The following PTPRD variants were observed in gnomAD, a reference collection of about 807,000 sequenced individuals.
The protein encoded by PTPRD is receptor-type tyrosine-protein phosphatase delta.
A neutral mutation model predicts 214.5 loss-of-function variants in PTPRD; 34 were observed. That is an observed-to-expected ratio of 0.16 (90% CI 0.12 to 0.21). The LOEUF is 0.21. Among genes scored for constraint, PTPRD ranks in the 10% least tolerant of loss-of-function variants. The pLI is 1.00. For missense variants in PTPRD, 2,545 were observed against 2,398.7 expected (o/e 1.06, Z -1.27); for synonymous variants, 1,128 against 845.7 (o/e 1.33, Z -5.79).
chr9:9,699,959 A>C (rs1422187378), intron 7 of PTPRD, among the ~76,000 whole-genome samples: 2 of 152,164 alleles, frequency 1.3e-5, no homozygotes, highest in African/African-American at 2.4e-5. Flanking sequence ...ATTCCTCAGA[A>C]TTATTTATGA....
intron 10 of PTPRD, among the ~76,000 whole-genome samples, chr9:9,092,818 T>A (rs547689271): frequency 2.0e-5 from 3 of 152,080 alleles, no homozygotes; most frequent in Non-Finnish European, 4.4e-5. Context: ...TAAAAAATTA[T>A]GATCATCAAC....
chr9:9,570,875 C>A (rs2086168758), intron 8 of PTPRD, among the ~76,000 whole-genome samples: 1 of 151,452 alleles, frequency 6.6e-6, no homozygotes, highest in Non-Finnish European at 1.5e-5. Flanking sequence ...AAAATTCCAT[C>A]TTTAGTTTCA....
intron 3 of PTPRD, among the ~76,000 whole-genome samples, chr9:10,259,222 CACCGTGTTAGTCAGGATGG>C (rs2093521988): frequency 6.6e-6 from 1 of 152,002 alleles, no homozygotes; most frequent in Non-Finnish European, 1.5e-5. Flanking sequence ...GAAGGGGTTT[CACCGTGTTAGTCAGGATGG>C]TCTCTATCTC....
At chr9:9,172,804 G>A (rs535453141) in intron 10 of PTPRD, among the ~76,000 whole-genome samples, 3 of 152,190 alleles carry the variant, frequency 2.0e-5, no homozygotes, top group African/African-American at 7.2e-5. Flanking sequence ...ATCTTATCCA[G>A]TACTTGCCTG....
intron 12 of PTPRD, among the ~76,000 whole-genome samples, chr9:8,723,553 C>T (rs1244188894): frequency 3.9e-5 from 6 of 152,170 alleles, no homozygotes; most frequent in African/African-American, 1.4e-4. Flanking sequence ...TGGAGGCACA[C>T]TGTAGTCATG....
At chr9:9,202,927 A>G (rs1170726716) in intron 9 of PTPRD, among the ~76,000 whole-genome samples, 1 of 152,046 alleles carries the variant, frequency 6.6e-6, no homozygotes, top group East Asian at 1.9e-4. Flanking sequence ...TTCTCTTCCA[A>G]TGTCTGAATA....
intron 27 of PTPRD, among the ~76,000 whole-genome samples, chr9:8,487,667 A>G (rs974660830): frequency 7.2e-5 from 11 of 152,060 alleles, no homozygotes; most frequent in Non-Finnish European, 7.4e-5. Flanking sequence ...AAAAATAGCC[A>G]GGTGTGGTGG....
intron 10 of PTPRD, among the ~76,000 whole-genome samples, chr9:9,148,107 A>G (rs2099871718): frequency 6.6e-6 from 1 of 152,236 alleles, no homozygotes; most frequent in African/African-American, 2.4e-5. Context: ...CAAGAAAAAC[A>G]TACAAAAATA....
Position 10,321,140 on chromosome 9 carries a change from A to C in PTPRD, c.-545+19823T>G, listed in dbSNP as rs2096545221. Among the ~76,000 whole-genome samples the C allele has an allele frequency of 3.3e-5, 5 of 152,196 alleles. No homozygotes were observed. In the South Asian group the frequency reaches 1.0e-3, roughly 32 times the overall value. ...TAGTAATGCGACATACTTTACATTA[A>C]TAATGATTTCAGCAACACTAATAAT... On this transcript the variant is annotated intron_variant, in intron 3 of 45. Transcript: ENST00000381196.
At chr9:9,967,246 G>A (rs892788255) in intron 4 of PTPRD, among the ~76,000 whole-genome samples, 13 of 152,112 alleles carry the variant, frequency 8.5e-5, no homozygotes, top group African/African-American at 2.9e-4. Context: ...TCAGAGTTGT[G>A]AGAATTACAT....
intron 8 of PTPRD, among the ~76,000 whole-genome samples, chr9:9,515,111 C>T (rs973298967): frequency 6.6e-6 from 1 of 152,046 alleles, no homozygotes; most frequent in South Asian, 2.1e-4. Flanking sequence ...CCTTGATTTT[C>T]CAGTAAGTCT....
chr9:9,811,393 G>A (rs1346968808), intron 5 of PTPRD, among the ~76,000 whole-genome samples: 3 of 152,102 alleles, frequency 2.0e-5, no homozygotes, highest in Non-Finnish European at 4.4e-5. Context: ...TAACAAATGA[G>A]AAGTTGCTTC....
chr9:10,064,641 G>C (rs2097843940), intron 3 of PTPRD, among the ~76,000 whole-genome samples: 1 of 151,606 alleles, frequency 6.6e-6, no homozygotes, highest in Non-Finnish European at 1.5e-5. Context: ...CTTACAAAAG[G>C]GGAGATGTAT....
intron 33 of PTPRD, chr9:8,460,200 C>G (rs1464327362): frequency 6.4e-6 from 4 of 626,520 alleles, no homozygotes. Flanking sequence ...TGTTGGACAA[C>G]AGAAGTCTAT....
intron 8 of PTPRD, among the ~76,000 whole-genome samples, chr9:9,425,028 T>A (rs1180909154): frequency 6.6e-6 from 1 of 152,168 alleles, no homozygotes; most frequent in Non-Finnish European, 1.5e-5. Flanking sequence ...CAGTTCTTAG[T>A]TTAAGCTTAC....
intron 14 of PTPRD, among the ~76,000 whole-genome samples, chr9:8,613,006 T>C (rs922632764): frequency 2.0e-5 from 3 of 152,196 alleles, no homozygotes; most frequent in Non-Finnish European, 4.4e-5. Flanking sequence ...ATAACACCAG[T>C]AGTTAGTACT....
chr9:8,830,904 C>T (rs1340829806), intron 11 of PTPRD, among the ~76,000 whole-genome samples: 1 of 151,930 alleles, frequency 6.6e-6, no homozygotes, highest in Non-Finnish European at 1.5e-5. Flanking sequence ...TTAGTGAAAC[C>T]ATTATAAGGC....
rs140587040 is a variant in PTPRD, at chr9:8,376,206, G to A, written c.4507-116C>T. The stretch of plus-strand genomic sequence containing the variant: ...TATTTTAATTCCTTTCTACCACCCT[G>A]TAGCCTTTGGGAAGACACACTCTTT... On this transcript the variant is annotated intron_variant, in intron 38 of 45. Coordinates refer to ENST00000381196, the MANE Select transcript of PTPRD (RefSeq NM_002839.4). The A allele has an allele frequency of 6.0e-4, 716 of 1,194,262 alleles. 9 individuals carry two copies. The African/African-American group carries it at 9.4e-3, about 16-fold the overall frequency. The allele number at this position is 1,194,262 out of a possible 1,614,324, so 74.0% of individuals were successfully genotyped here.
chr9:8,897,501 G>A (rs1205803938), intron 11 of PTPRD, among the ~76,000 whole-genome samples: 1 of 152,164 alleles, frequency 6.6e-6, no homozygotes, highest in Non-Finnish European at 1.5e-5. Flanking sequence ...CAGAGAATGT[G>A]TGGAAGATTT....
Sources: allele counts gnomAD v4.1 joint callset (sites outside exome capture counted in the v4.1 genomes callset), GRCh38; gene constraint gnomAD v4.1.1; transcripts MANE v1.5; gene names NCBI Gene and HGNC (gene_info 2026-07-23, HGNC 2026-07-21).